ELMO1: variants seen among roughly 807,000 people sequenced by gnomAD.
The protein encoded by ELMO1 is engulfment and cell motility protein 1.
A neutral mutation model predicts 98.9 loss-of-function variants in ELMO1; 26 were observed. That is an observed-to-expected ratio of 0.26 (90% CI 0.19 to 0.36). The LOEUF is 0.36. Among genes scored for constraint, ELMO1 ranks in the 10% least tolerant of loss-of-function variants. The pLI is 1.00. For synonymous variants in ELMO1, 346 were observed against 346.0 expected (o/e 1.00, Z 0.00); for missense variants, 627 against 935.2 (o/e 0.67, Z 4.30).
intron 4 of ELMO1, 86 bp from the exon 5 acceptor site, chr7:37,271,968 T>A: frequency 8.9e-7 from 1 of 1,118,576 alleles, no homozygotes; most frequent in Non-Finnish European, 1.3e-6. Context: ...CTAGCAGATA[T>A]AACAGGCATT....
intron 16 of ELMO1, among the ~76,000 whole-genome samples, chr7:36,996,029 CCTGT>C (rs1380911336): frequency 6.6e-6 from 1 of 152,130 alleles, no homozygotes; most frequent in Admixed American, 6.5e-5. Flanking sequence ...TCATCTCAGC[CCTGT>C]CTGTGTGGGA....
intron 1 of ELMO1, among the ~76,000 whole-genome samples, chr7:37,362,158 C>T (rs764852712): frequency 2.4e-4 from 36 of 151,936 alleles, no homozygotes; most frequent in African/African-American, 8.0e-4. Context: ...TGACTACATA[C>T]ATTGGTCAGT....
intron 15 of ELMO1, among the ~76,000 whole-genome samples, chr7:37,080,632 T>TG (rs1214709659): frequency 4.2e-4 from 62 of 149,120 alleles, no homozygotes; most frequent in African/African-American, 1.5e-3. Context: ...TTTGTATTTT[T>TG]AGTAGAGACA....
At chr7:37,073,449 G>C (rs1797387694) in intron 15 of ELMO1, among the ~76,000 whole-genome samples, 1 of 152,158 alleles carries the variant, frequency 6.6e-6, no homozygotes, top group African/African-American at 2.4e-5. Context: ...TGCCTACACT[G>C]TTATCTCATG....
At chr7:37,121,937 T>A (rs1786081394) in intron 14 of ELMO1, among the ~76,000 whole-genome samples, 1 of 152,228 alleles carries the variant, frequency 6.6e-6, no homozygotes, top group African/African-American at 2.4e-5. Flanking sequence ...AGCTGATCTC[T>A]CGGCAGAAAC....
chr7:37,175,164 G>T (rs146528779), intron 13 of ELMO1, among the ~76,000 whole-genome samples: 10 of 152,258 alleles, frequency 6.6e-5, no homozygotes, highest in African/African-American at 2.4e-4. Flanking sequence ...AGAATAATAA[G>T]GAGACAAAGA....
intron 16 of ELMO1, among the ~76,000 whole-genome samples, chr7:36,916,057 T>G (rs1784666941): frequency 6.6e-6 from 1 of 152,104 alleles, no homozygotes. Flanking sequence ...TTTGTCACCT[T>G]TAAAATGGAT....
chr7:37,316,443 T>C (rs950265527), intron 2 of ELMO1, among the ~76,000 whole-genome samples: 1 of 152,140 alleles, frequency 6.6e-6, no homozygotes, highest in African/African-American at 2.4e-5. Context: ...TCTTACAAAG[T>C]ACATAGAATT....
intron 19 of ELMO1, among the ~76,000 whole-genome samples, chr7:36,871,965 T>C (rs990212799): frequency 2.0e-5 from 3 of 152,146 alleles, no homozygotes; most frequent in Non-Finnish European, 4.4e-5. Flanking sequence ...TCTCTGTAGG[T>C]TCCCCTGCCA....
chr7:37,221,678 T>C (rs1355731578), intron 10 of ELMO1, among the ~76,000 whole-genome samples: 1 of 151,582 alleles, frequency 6.6e-6, no homozygotes, highest in Non-Finnish European at 1.5e-5. Context: ...CATGTATGTA[T>C]ATTAAGGGGT....
intron 2 of ELMO1, among the ~76,000 whole-genome samples, chr7:37,316,750 A>G (rs1799187703): frequency 6.6e-6 from 1 of 152,208 alleles, no homozygotes; most frequent in Non-Finnish European, 1.5e-5. Flanking sequence ...AACAAATCAC[A>G]GACAAGAAAT....
intron 15 of ELMO1, among the ~76,000 whole-genome samples, chr7:37,046,351 T>A (rs1257085116): frequency 6.6e-6 from 1 of 152,174 alleles, no homozygotes; most frequent in Admixed American, 6.5e-5. Context: ...TCAAGCATCA[T>A]TTTGCTCATA....
At chr7:37,192,443 C>G (rs1791647097) in intron 13 of ELMO1, among the ~76,000 whole-genome samples, 1 of 142,142 alleles carries the variant, frequency 7.0e-6, no homozygotes, top group Admixed American at 7.6e-5. Flanking sequence ...TGCAGTGAGC[C>G]AAGACCGTGC....
chr7:37,084,824 T>C (rs568383476), intron 15 of ELMO1, among the ~76,000 whole-genome samples: 2 of 152,056 alleles, frequency 1.3e-5, no homozygotes, highest in East Asian at 1.9e-4. Context: ...TGGCATGATG[T>C]TGGCTCACTC....
At chr7:37,165,820 C>T (rs867196068) in intron 13 of ELMO1, among the ~76,000 whole-genome samples, 10 of 152,000 alleles carry the variant, frequency 6.6e-5, no homozygotes, top group African/African-American at 1.7e-4. Context: ...TGTCTCTGCC[C>T]GGCTTTGGTA....
chr7:37,022,456 G>A (rs1195424667), intron 15 of ELMO1, among the ~76,000 whole-genome samples: 1 of 152,074 alleles, frequency 6.6e-6, no homozygotes, highest in Non-Finnish European at 1.5e-5. Context: ...ACATATAAGT[G>A]GCCAATGAAC....
intron 4 of ELMO1, among the ~76,000 whole-genome samples, chr7:37,311,865 CT>C (rs1798908457): frequency 6.6e-6 from 1 of 152,166 alleles, no homozygotes; most frequent in Non-Finnish European, 1.5e-5. Flanking sequence ...GTGGCCAGTC[CT>C]TTATAAACTC....
chr7:36,954,218 G>C (rs1053161639), intron 16 of ELMO1, among the ~76,000 whole-genome samples: 1 of 152,142 alleles, frequency 6.6e-6, no homozygotes, highest in African/African-American at 2.4e-5. Flanking sequence ...TGCAGCCCAG[G>C]TGCACCTTCC....
At chr7:37,011,927 A>C (rs1320794639) in intron 16 of ELMO1, among the ~76,000 whole-genome samples, 1 of 152,214 alleles carries the variant, frequency 6.6e-6, no homozygotes, top group African/African-American at 2.4e-5. Context: ...AGGAGGCTGC[A>C]GTTATAATCC....
Sources: allele counts gnomAD v4.1 joint callset (sites outside exome capture counted in the v4.1 genomes callset), GRCh38; gene constraint gnomAD v4.1.1; transcripts MANE v1.5; gene names NCBI Gene and HGNC (gene_info 2026-07-23, HGNC 2026-07-21).